Variants in CNTNAP2 observed in about 807,000 individuals in gnomAD.
CNTNAP2 encodes the protein contactin associated protein 2.
CNTNAP2 carries 98 observed loss-of-function variants against 155.2 expected under a neutral mutation model. That is an observed-to-expected ratio of 0.63 (90% CI 0.54 to 0.75). CNTNAP2 has a LOEUF of 0.75. Ranked by LOEUF, CNTNAP2 falls within the 30% of genes least tolerant of loss-of-function variation. CNTNAP2 has a pLI of 0.00. For missense variants in CNTNAP2, 1,727 were observed against 1,688.1 expected (o/e 1.02, Z -0.40); for synonymous variants, 651 against 631.2 (o/e 1.03, Z -0.47).
At chr7:147,989,505 G>T (rs1563159308) in intron 15 of CNTNAP2, among the ~76,000 whole-genome samples, 2 of 152,198 alleles carry the variant, frequency 1.3e-5, no homozygotes, top group Admixed American at 6.6e-5. Flanking sequence ...ATATCCATTT[G>T]CTGTGGAAAA....
At position 147,925,154 on chromosome 7, in the gene CNTNAP2, AGAAG is replaced by A. The variant is rs144682428; in HGVS notation, c.2255+21485_2255+21488del. On this transcript the variant is annotated intron_variant, in intron 14 of 23. Coordinates refer to ENST00000361727, the MANE Select transcript of CNTNAP2 (RefSeq NM_014141.6). ...AGAGAGAAGAGAGAGAGAGAGAGAGAGAAGGAAGGAAGGAAGGAAGGAAGGAAGG... is the reference window on the plus strand; with the variant it reads ...AGAGAGAAGAGAGAGAGAGAGAGAGAGAAGGAAGGAAGGAAGGAAGGAAGG... Among the ~76,000 whole-genome samples, 559 of 63,304 alleles carry A rather than the reference AGAAG, an allele frequency of 8.8e-3. 5 individuals carry two copies. Among genetic ancestry groups the A allele is most frequent in the South Asian group, 0.03 (34 of 1,144 alleles). 41.5% of individuals were successfully genotyped at this position (63,304 alleles called of 152,430 possible).
intron 11 of CNTNAP2, among the ~76,000 whole-genome samples, chr7:147,544,481 G>A (rs76749617): frequency 6.6e-6 from 1 of 151,786 alleles, no homozygotes; most frequent in Non-Finnish European, 1.5e-5. Context: ...TTTATTTCTG[G>A]CAAAAATGAA....
chr7:147,220,245 A>G (rs940587944), intron 8 of CNTNAP2, among the ~76,000 whole-genome samples: 1 of 152,158 alleles, frequency 6.6e-6, no homozygotes, highest in Non-Finnish European at 1.5e-5. Context: ...TATTCCCAAT[A>G]TATTTTATTG....
intron 1 of CNTNAP2, among the ~76,000 whole-genome samples, chr7:146,397,087 A>G (rs996962582): frequency 1.3e-5 from 2 of 152,160 alleles, no homozygotes; most frequent in East Asian, 3.9e-4. Context: ...TCCAACTAGA[A>G]TGAAGAGATG....
chr7:146,911,920 G>T (rs779281908), intron 3 of CNTNAP2, among the ~76,000 whole-genome samples: 1 of 152,016 alleles, frequency 6.6e-6, no homozygotes, highest in African/African-American at 2.4e-5. Flanking sequence ...ATTTCATAGA[G>T]AGGTATAAAT....
rs892702596 is a variant in CNTNAP2 at position 148,174,424 on chromosome 7, C to CG, written c.3010+1946_3010+1947insG. ...TGCACAGCAGTTCCTGTGACCGCCCCCCACCTCAGGCTGGTGCTTCAGCCA... is the reference window on the plus strand; with the variant it reads ...TGCACAGCAGTTCCTGTGACCGCCCCGCCACCTCAGGCTGGTGCTTCAGCCA... On this transcript the variant is annotated intron_variant, in intron 18 of 23. Coordinates refer to ENST00000361727, the MANE Select transcript of CNTNAP2 (RefSeq NM_014141.6). Among the ~76,000 whole-genome samples, 316 of 152,046 alleles carry CG rather than the reference C, an allele frequency of 2.1e-3. 3 individuals are homozygous for CG. Among genetic ancestry groups the CG allele is most frequent in the Non-Finnish European group, 2.8e-3 (192 of 67,992 alleles).
At chr7:148,002,723 C>T (rs79170747) in intron 15 of CNTNAP2, among the ~76,000 whole-genome samples, 1,700 of 152,138 alleles carry the variant, frequency 0.011, 52 homozygotes, top group East Asian at 0.084. Flanking sequence ...TTTCTTTGTA[C>T]GACCTAAGCT....
At chr7:147,015,163 T>A (rs1025631113) in intron 3 of CNTNAP2, among the ~76,000 whole-genome samples, 2 of 151,892 alleles carry the variant, frequency 1.3e-5, no homozygotes, top group Admixed American at 1.3e-4. Flanking sequence ...AATGAATGAT[T>A]AGTTGTTTAG....
chr7:148,016,599 T>C (rs1802180483), intron 15 of CNTNAP2, among the ~76,000 whole-genome samples: 1 of 152,194 alleles, frequency 6.6e-6, no homozygotes, highest in African/African-American at 2.4e-5. Flanking sequence ...TAAAGATAAT[T>C]TCTTCTTCTG....
At chr7:148,253,417 C>T (rs1796405445) in intron 20 of CNTNAP2, among the ~76,000 whole-genome samples, 1 of 152,144 alleles carries the variant, frequency 6.6e-6, no homozygotes, top group East Asian at 1.9e-4. Context: ...TAACATTTTA[C>T]ATTTAATTTT....
At chr7:148,292,793 CTGCTTCCCA>C (rs1204233237) in intron 21 of CNTNAP2, among the ~76,000 whole-genome samples, 2 of 152,286 alleles carry the variant, frequency 1.3e-5, no homozygotes, top group East Asian at 3.9e-4. Flanking sequence ...CACAATCTAG[CTGCTTCCCA>C]TCCATCCCCT....
At chr7:146,522,292 C>A (rs1797627322) in intron 1 of CNTNAP2, among the ~76,000 whole-genome samples, 1 of 152,044 alleles carries the variant, frequency 6.6e-6, no homozygotes, top group African/African-American at 2.4e-5. Flanking sequence ...TCATAAAACA[C>A]TCTGTCATGC....
At chr7:146,226,442 T>C (rs1183651821) in intron 1 of CNTNAP2, among the ~76,000 whole-genome samples, 1 of 152,128 alleles carries the variant, frequency 6.6e-6, no homozygotes, top group African/African-American at 2.4e-5. Context: ...GAGGATCCGT[T>C]GAGCCCAGGA....
intron 16 of CNTNAP2, among the ~76,000 whole-genome samples, chr7:148,137,614 A>G (rs1804981122): frequency 1.3e-5 from 2 of 151,778 alleles, no homozygotes; most frequent in Admixed American, 6.6e-5. Context: ...GTGAGCTGAG[A>G]TCACACCATT....
At position 147,014,027 on chromosome 7, in the gene CNTNAP2, A is replaced by T. The variant is rs544973279; in HGVS notation, c.403-29880A>T. 5.9e-5 allele frequency among the ~76,000 whole-genome samples: 9 copies of T among 152,280 alleles called. No homozygotes were observed. In the South Asian group the frequency reaches 1.9e-3, roughly 32 times the overall value. The stretch of plus-strand genomic sequence containing the variant: ...AGCACAGTGAGTTATGAAATGGAAA[A>T]AGGGATGTTTGTGGCATGAGATCAG... On this transcript the variant is annotated intron_variant, in intron 3 of 23. Coordinates refer to ENST00000361727, the MANE Select transcript of CNTNAP2 (RefSeq NM_014141.6).
chr7:147,956,675 G>A (rs531197695), intron 14 of CNTNAP2, among the ~76,000 whole-genome samples: 1 of 152,262 alleles, frequency 6.6e-6, no homozygotes, highest in African/African-American at 2.4e-5. Context: ...TTTTCATCTT[G>A]ATTGGACTTT....
rs181660439 is a variant in CNTNAP2 at position 147,279,937 on chromosome 7, A to G, written c.1349-20204A>G. Among the ~76,000 whole-genome samples the G allele has an allele frequency of 1.5e-3, 226 of 152,020 alleles. 2 individuals are homozygous for G. Among genetic ancestry groups the G allele is most frequent in the African/African-American group, 5.2e-3 (215 of 41,538 alleles). ...TGTCAGATAGGTGGACGGCCTAAAT[A>G]AAAGCATGAGATTTGTTCTTAAATT... On this transcript the variant is annotated intron_variant, in intron 8 of 23. Coordinates refer to ENST00000361727, the MANE Select transcript of CNTNAP2 (RefSeq NM_014141.6).
rs35946958 is a variant in CNTNAP2 at position 147,983,017 on chromosome 7, CA to C, written c.2383+5047del. Among the ~76,000 whole-genome samples the C allele has an allele frequency of 5.6e-3, 454 of 80,872 alleles. 1 individual carries two copies. Among genetic ancestry groups the C allele is most frequent in the African/African-American group, 0.017 (330 of 19,794 alleles). The allele number at this position is 80,872 out of a possible 152,430, so 53.1% of individuals were successfully genotyped here. A position where few individuals can be genotyped will look rare whatever the true frequency, so the allele number is the denominator to read the frequency against. On this transcript the variant is annotated intron_variant, in intron 15 of 23. Transcript: ENST00000361727. Reference sequence around the variant, plus strand: ...TGGGTGACAGTGTGAGACTCCACCTCAAAAAAAAAAAAAAAAAAAGCAAAAA... The same window carrying C: ...TGGGTGACAGTGTGAGACTCCACCTCAAAAAAAAAAAAAAAAAAGCAAAAA...
At chr7:148,383,586 G>A (rs1178491049) in intron 21 of CNTNAP2, 63 bp from the exon 22 acceptor site, 2 of 1,611,860 alleles carry the variant, frequency 1.2e-6, no homozygotes, top group Non-Finnish European at 1.7e-6. Context: ...TTCAAAGACA[G>A]GTATGTTGTA....
Sources: gnomAD v4.1 joint callset for allele counts (sites outside exome capture counted in the v4.1 genomes callset) on GRCh38, gnomAD v4.1.1 for gene constraint, MANE v1.5 for transcripts, NCBI Gene and HGNC (gene_info 2026-07-23, HGNC 2026-07-21) for gene names.